WDR49: variants seen among roughly 807,000 people sequenced by gnomAD.
WDR49 encodes cilia- and flagella-associated protein 337.
A neutral mutation model predicts 119.5 loss-of-function variants in WDR49; 107 were observed. The ratio of observed to expected loss-of-function variants is 0.90; its 90% CI spans 0.77 to 1.05. The LOEUF is 1.05. WDR49 is among the 50% of genes least tolerant of loss of function. The pLI is 0.00. For missense variants in WDR49, 1,240 were observed against 1,220.5 expected, an observed-to-expected ratio of 1.02 and a Z score of -0.24; for synonymous variants, 425 against 418.8, an observed-to-expected ratio of 1.01 and a Z score of -0.18.
chr3:167,564,128 T>G (rs897326495), intron 8 of WDR49, among the ~76,000 whole-genome samples: 1 of 152,232 alleles, frequency 6.6e-6, no homozygotes, highest in African/African-American at 2.4e-5. Flanking sequence ...AGCCCCAACA[T>G]ACTATTCATC....
At chr3:167,497,367 A>G (rs543878696) in intron 18 of WDR49, among the ~76,000 whole-genome samples, 1 of 152,326 alleles carries the variant, frequency 6.6e-6, no homozygotes, top group East Asian at 1.9e-4. Context: ...TAAAAAACCA[A>G]AAGAAAGAAA....
intron 5 of WDR49, among the ~76,000 whole-genome samples, chr3:167,620,169 T>C (rs1210912408): frequency 3.9e-5 from 6 of 152,096 alleles, no homozygotes; most frequent in Non-Finnish European, 7.4e-5. Context: ...TCTATGACAA[T>C]GTTTTCCTTT....
chr3:167,585,810 A>G (rs1714782216), intron 7 of WDR49, among the ~76,000 whole-genome samples: 1 of 152,124 alleles, frequency 6.6e-6, no homozygotes, highest in Non-Finnish European at 1.5e-5. Flanking sequence ...ATAAGAAGAT[A>G]CACGTCTAGG....
At chr3:167,572,414 T>C (rs1250376202) in intron 8 of WDR49, among the ~76,000 whole-genome samples, 1 of 152,168 alleles carries the variant, frequency 6.6e-6, no homozygotes, top group East Asian at 1.9e-4. Flanking sequence ...AAGGAAATAA[T>C]AAAGTGTAGG....
intron 5 of WDR49, among the ~76,000 whole-genome samples, chr3:167,608,153 A>T (rs2108311393): frequency 6.6e-6 from 1 of 152,324 alleles, no homozygotes; most frequent in Non-Finnish European, 1.5e-5. Flanking sequence ...AATGATTCTC[A>T]TTCAGGAAGC....
intron 16 of WDR49, among the ~76,000 whole-genome samples, chr3:167,515,982 G>A (rs1752182973): frequency 6.6e-6 from 1 of 152,194 alleles, no homozygotes; most frequent in South Asian, 2.1e-4. Context: ...GGAAATCAGA[G>A]AGGACACAAA....
At chr3:167,587,474 ACTG>A (rs1366357190) in intron 7 of WDR49, among the ~76,000 whole-genome samples, 2 of 152,026 alleles carry the variant, frequency 1.3e-5, no homozygotes, top group Non-Finnish European at 2.9e-5. Context: ...CTGAAAAGAC[ACTG>A]ACCTTTTTTT....
intron 12 of WDR49, 127 bp downstream of exon 12, chr3:167,532,752 T>C (rs970476729): frequency 1.9e-5 from 12 of 620,564 alleles, no homozygotes; most frequent in Non-Finnish European, 3.3e-5. Context: ...AATGATATCC[T>C]TAATCCTTCA....
At chr3:167,615,200 T>C (rs1716535900) in intron 5 of WDR49, among the ~76,000 whole-genome samples, 1 of 152,190 alleles carries the variant, frequency 6.6e-6, no homozygotes, top group African/African-American at 2.4e-5. Context: ...ATAGTGGTGA[T>C]CACGGCTCAC....
chr3:167,598,599 C>G (rs903678453), intron 7 of WDR49, among the ~76,000 whole-genome samples: 1 of 152,218 alleles, frequency 6.6e-6, no homozygotes, highest in Non-Finnish European at 1.5e-5. Flanking sequence ...TTCCCCTTCA[C>G]CTTCCACCAT....
At chr3:167,647,576 G>A (rs767182915) in intron 2 of WDR49, among the ~76,000 whole-genome samples, 7 of 152,242 alleles carry the variant, frequency 4.6e-5, no homozygotes, top group Middle Eastern at 3.4e-3. Flanking sequence ...TGTGCCAACT[G>A]CAGTAGTATT....
Position 167,621,452 on chromosome 3 carries a change from T to C in WDR49, c.783+15A>G. 6.6e-7 allele frequency: 1 copy of C among 1,510,084 alleles called. No homozygotes were observed. The highest frequency in any genetic ancestry group is 8.8e-7 in the Non-Finnish European group (1 of 1,133,384). The allele number at this position is 1,510,084 out of a possible 1,614,324, so 93.5% of individuals were successfully genotyped here. ...TTAAATCCATAGTATTCAATCTTAA[T>C]CTACCCTCACTTACCTTTCCAGTTA... is the stretch of plus-strand genomic sequence containing the variant. On this transcript the variant is annotated intron_variant, in intron 4 of 18. Coordinates refer to ENST00000682715, the MANE Select transcript of WDR49 (RefSeq NM_001366157.1).
At chr3:167,568,813 T>A (rs1386253589) in intron 8 of WDR49, among the ~76,000 whole-genome samples, 3 of 152,198 alleles carry the variant, frequency 2.0e-5, no homozygotes, top group Non-Finnish European at 2.9e-5. Flanking sequence ...TAATTTAATG[T>A]AGAGAGCAAC....
Position 167,527,963 on chromosome 3 carries a change from T to A in WDR49, c.2461A>T (p.Arg821Ter). 6.2e-7 allele frequency: 1 copy of A among 1,613,296 alleles called. No homozygotes were observed. The highest frequency in any genetic ancestry group is 8.5e-7 in the Non-Finnish European group (1 of 1,179,520). The change falls in exon 15 of 19, where the codon AGA becomes TGA. Residue 821 changes from arginine to a stop codon, truncating the protein, a stop_gained. Transcript: ENST00000682715. LOFTEE classifies it high-confidence loss of function. Reference protein sequence around the residue: ...NKITKAPTLIRSFQPHEDRIS... With the variant: ...NKITKAPTLI ...CGGTCCTCATGAGGTTGGAATGATC[T>A]TATCAGAGTTGGGGCCTTGGTGATT...
rs1750575395 is a variant in WDR49, at chr3:167,478,812, T to C, written c.*66A>G. On this transcript the variant is annotated 3_prime_UTR_variant, in exon 19 of 19. Coordinates refer to ENST00000682715, the MANE Select transcript of WDR49 (RefSeq NM_001366157.1). ...ATATAAAATAAAATAAAAGGCAGAA[T>C]TCTTGATGCTTTTTCTGCATTTTAT... 8.9e-7 allele frequency: 1 copy of C among 1,128,332 alleles called. No individual in the cohort carries two copies. The highest frequency in any genetic ancestry group is 1.6e-5 in the African/African-American group (1 of 62,530). 69.9% of individuals were successfully genotyped at this position (1,128,332 alleles called of 1,614,324 possible). A position where few individuals can be genotyped will look rare whatever the true frequency, so the allele number is the denominator to read the frequency against.
chr3:167,499,238 G>A (rs1751470949), intron 18 of WDR49, among the ~76,000 whole-genome samples: 1 of 152,118 alleles, frequency 6.6e-6, no homozygotes, highest in South Asian at 2.1e-4. Flanking sequence ...AAGAGACAAA[G>A]CAAAGAGGAG....
chr3:167,612,478 A>C (rs1716384833), intron 5 of WDR49, among the ~76,000 whole-genome samples: 1 of 152,084 alleles, frequency 6.6e-6, no homozygotes, highest in South Asian at 2.1e-4. Context: ...AATAATAAAG[A>C]TCAGAGCTGA....
intron 17 of WDR49, among the ~76,000 whole-genome samples, chr3:167,504,922 T>G (rs1314355614): frequency 1.3e-5 from 2 of 152,134 alleles, no homozygotes; most frequent in Non-Finnish European, 2.9e-5. Flanking sequence ...TGTCACCCTG[T>G]GATGTGCTTG....
intron 2 of WDR49, among the ~76,000 whole-genome samples, chr3:167,639,509 C>T (rs1452200209): frequency 1.3e-5 from 2 of 151,742 alleles, no homozygotes; most frequent in African/African-American, 4.8e-5. Context: ...TTTAGGATAA[C>T]ATGGTCATCA....
Sources: allele counts gnomAD v4.1 joint callset (sites outside exome capture counted in the v4.1 genomes callset), GRCh38; gene constraint gnomAD v4.1.1; transcripts MANE v1.5; gene names NCBI Gene and HGNC (gene_info 2026-07-23, HGNC 2026-07-21).